ARHGEF18: variants seen among roughly 807,000 people sequenced by gnomAD.
The protein encoded by ARHGEF18 is rho guanine nucleotide exchange factor 18.
Under a neutral mutation model 155.7 loss-of-function variants are expected in ARHGEF18, and 93 were observed. That is an observed-to-expected ratio of 0.60 (90% CI 0.50 to 0.71). The LOEUF is 0.71. ARHGEF18 is among the 30% of genes least tolerant of loss of function. ARHGEF18 has a pLI of 0.00. For missense variants in ARHGEF18, 1,593 were observed against 1,816.1 expected, an observed-to-expected ratio of 0.88 and a Z score of 2.23; for synonymous variants, 742 against 753.1, an observed-to-expected ratio of 0.99 and a Z score of 0.24.
At position 7,457,353 on chromosome 19, in the gene ARHGEF18, C is replaced by CTTT. The variant is rs1159186670; in HGVS notation, c.2181+975_2181+977dup. Among the ~76,000 whole-genome samples, 45 of 60,234 alleles carry CTTT rather than the reference C, an allele frequency of 7.5e-4. 8 individuals are homozygous for CTTT. Among genetic ancestry groups the CTTT allele is most frequent in the African/African-American group, 3.0e-3 (37 of 12,342 alleles). The allele number at this position is 60,234 out of a possible 152,430, so 39.5% of individuals were successfully genotyped here. A position where few individuals can be genotyped will look rare whatever the true frequency, so the allele number is the denominator to read the frequency against. ...ATCTCATTTTGCCATAATCACCTCT[C>CTTT]TTTTTTTTTTTTTTTTTTTTTTTTT... On this transcript the variant is annotated intron_variant, in intron 18 of 28. Coordinates refer to ENST00000668164, the MANE Select transcript of ARHGEF18 (RefSeq NM_001367823.1).
intron 1 of ARHGEF18, among the ~76,000 whole-genome samples, chr19:7,352,889 T>C (rs1333293299): frequency 2.3e-5 from 3 of 128,456 alleles, no homozygotes; most frequent in Non-Finnish European, 4.8e-5. Context: ...CAAGCTGGAG[T>C]GCAGTGGCAT....
At chr19:7,439,947 A>T in intron 10 of ARHGEF18, 1 of 1,509,064 alleles carries the variant, frequency 6.6e-7, no homozygotes, top group Non-Finnish European at 8.9e-7. Flanking sequence ...GTAAATGGTC[A>T]CAGTGGGGAC....
intron 10 of ARHGEF18, among the ~76,000 whole-genome samples, chr19:7,387,894 A>C (rs573207186): frequency 2.6e-5 from 4 of 151,588 alleles, no homozygotes; most frequent in Non-Finnish European, 5.9e-5. Context: ...CAAACTCCTG[A>C]CCTCAAGTGA....
chr19:7,422,045 G>T (rs551777023), intron 10 of ARHGEF18, among the ~76,000 whole-genome samples: 3 of 152,144 alleles, frequency 2.0e-5, no homozygotes, highest in African/African-American at 7.2e-5. Flanking sequence ...CTGACCTCCT[G>T]TCCCAACTTT....
intron 22 of ARHGEF18, 107 bp downstream of exon 22, chr19:7,464,062 G>C: frequency 7.1e-7 from 1 of 1,411,840 alleles, no homozygotes; most frequent in Non-Finnish European, 9.4e-7. Flanking sequence ...TGTTGAGACA[G>C]AGTCTTGCTC....
intron 17 of ARHGEF18, 35 bp from the exon 18 acceptor site, chr19:7,456,292 C>T (rs1444507348): frequency 1.2e-6 from 2 of 1,608,466 alleles, no homozygotes; most frequent in Non-Finnish European, 1.7e-6. Context: ...GGCTATGGGA[C>T]TTTTAAGATG....
chr19:7,478,508 C>A, the ARHGEF18 span: 1 of 883,100 alleles, frequency 1.1e-6, no homozygotes, highest in Non-Finnish European at 1.8e-6. Context: ...CTCCCTGCCC[C>A]CACAGTCCCA....
intron 10 of ARHGEF18, among the ~76,000 whole-genome samples, chr19:7,410,809 CAAAAAAAAAAA>C (rs58022667): frequency 1.2e-5 from 1 of 82,288 alleles, no homozygotes; most frequent in African/African-American, 4.2e-5. Flanking sequence ...GACTCCATCT[CAAAAAAAAAAA>C]AAAAAAAAGG....
intron 10 of ARHGEF18, among the ~76,000 whole-genome samples, chr19:7,436,966 C>G (rs909876622): frequency 6.6e-6 from 1 of 152,142 alleles, no homozygotes; most frequent in Non-Finnish European, 1.5e-5. Flanking sequence ...CTTTGCTGTG[C>G]TGGGCTGTGG....
Position 7,352,177 on chromosome 19 carries a change from T to C in ARHGEF18, c.-111+2936T>C, listed in dbSNP as rs567134538. Among the ~76,000 whole-genome samples the C allele has an allele frequency of 1.9e-4, 29 of 152,212 alleles. No individual in the cohort carries two copies. The South Asian group carries it at 5.6e-3, about 29-fold the overall frequency. Reference sequence around the variant, plus strand: ...GTGTCTCTTTATGGTGTCATTTTCCTCCATAGAGCGTTTATTTTTGCTTTG... The same window carrying C: ...GTGTCTCTTTATGGTGTCATTTTCCCCCATAGAGCGTTTATTTTTGCTTTG... On this transcript the variant is annotated intron_variant, in intron 1 of 28. Transcript: ENST00000668164.
At chr19:7,382,278 C>A (rs992300647) in intron 8 of ARHGEF18, among the ~76,000 whole-genome samples, 5 of 152,052 alleles carry the variant, frequency 3.3e-5, no homozygotes, top group African/African-American at 1.2e-4. Flanking sequence ...CACCTGTGGT[C>A]CCAGCTACTC....
In ARHGEF18 at chr19:7,431,874, A is replaced by ATAG. The variant is rs535988540; in HGVS notation, c.968-8467_968-8465dup. Among the ~76,000 whole-genome samples, 295 of 152,346 alleles carry ATAG rather than the reference A, an allele frequency of 1.9e-3. 1 individual carries two copies. Among genetic ancestry groups the ATAG allele is most frequent in the African/African-American group, 6.4e-3 (265 of 41,592 alleles). On this transcript the variant is annotated intron_variant, in intron 10 of 28. Coordinates refer to ENST00000668164, the MANE Select transcript of ARHGEF18 (RefSeq NM_001367823.1). ...CTGGAATGCAAGAAGCACTCAATAA[A>ATAG]TAGTACCTGTTGCTACGAATTACCA...
At position 7,367,893 on chromosome 19, in the gene ARHGEF18, A is replaced by T. The variant is rs1305285954; in HGVS notation, c.16-4919A>T. 5.7e-4 allele frequency among the ~76,000 whole-genome samples: 46 copies of T among 80,832 alleles called. 9 individuals carry two copies. The highest frequency in any genetic ancestry group is 2.4e-3 in the East Asian group (7 of 2,970). The allele number at this position is 80,832 out of a possible 152,430, so 53.0% of individuals were successfully genotyped here. A position where few individuals can be genotyped will look rare whatever the true frequency, so the allele number is the denominator to read the frequency against. On this transcript the variant is annotated intron_variant, in intron 2 of 28. Coordinates refer to ENST00000668164, the MANE Select transcript of ARHGEF18 (RefSeq NM_001367823.1). ...TTTTATATATATATATTTTATATAT[A>T]TTTTTTATATATATATATTTTATAT...
At chr19:7,435,482 G>A (rs114752287) in intron 10 of ARHGEF18, among the ~76,000 whole-genome samples, 3,745 of 152,180 alleles carry the variant, frequency 0.025, 94 homozygotes, top group African/African-American at 0.064. Context: ...GTGGTTTCCC[G>A]GGGAACAAAT....
intron 10 of ARHGEF18, among the ~76,000 whole-genome samples, chr19:7,439,051 G>T (rs62109766): frequency 0.64 from 97,325 of 151,748 alleles, 31,963 homozygotes; most frequent in Middle Eastern, 0.77. Context: ...TTTGTATTTT[G>T]TATTTTTTAT....
intron 10 of ARHGEF18, among the ~76,000 whole-genome samples, chr19:7,417,881 G>A (rs1973112423): frequency 6.6e-6 from 1 of 152,140 alleles, no homozygotes; most frequent in African/African-American, 2.4e-5. Context: ...CAGAGGTCCT[G>A]GACTCTCTGT....
At chr19:7,451,541 C>T (rs1024409674) in intron 16 of ARHGEF18, among the ~76,000 whole-genome samples, 1 of 151,562 alleles carries the variant, frequency 6.6e-6, no homozygotes, top group East Asian at 1.9e-4. Flanking sequence ...CTCCCAAGCA[C>T]CTGGGACTAC....
intron 10 of ARHGEF18, among the ~76,000 whole-genome samples, chr19:7,386,755 T>A (rs1273894272): frequency 6.6e-6 from 1 of 152,028 alleles, no homozygotes; most frequent in Non-Finnish European, 1.5e-5. Flanking sequence ...CAGAGGACCC[T>A]GTCACTTGTC....
intron 10 of ARHGEF18, among the ~76,000 whole-genome samples, chr19:7,416,530 C>CGTGTGTGTGTGTGTGTGT (rs71179108): frequency 2.5e-4 from 26 of 105,906 alleles, no homozygotes; most frequent in Non-Finnish European, 7.7e-5. Context: ...GGAGAAAATT[C>CGTGTGTGTGTGTGTGTGT]GTGTGTGTGT....
Sources: gnomAD v4.1 joint callset for allele counts (sites outside exome capture counted in the v4.1 genomes callset) on GRCh38, gnomAD v4.1.1 for gene constraint, MANE v1.5 for transcripts, NCBI Gene and HGNC (gene_info 2026-07-23, HGNC 2026-07-21) for gene names.